The following CRMP1 variants were observed in gnomAD, a reference collection of about 807,000 sequenced individuals.
The protein encoded by CRMP1 is collapsin response mediator protein 1.
A neutral mutation model predicts 68.3 loss-of-function variants in CRMP1; 19 were observed. The ratio of observed to expected loss-of-function variants is 0.28; its 90% CI spans 0.19 to 0.41. The LOEUF (loss-of-function observed/expected upper bound fraction) is 0.41, where lower values mean the gene tolerates loss of function less well. Ranked by LOEUF, CRMP1 falls within the 10% of genes least tolerant of loss-of-function variation. The probability of loss-of-function intolerance (pLI) is 1.00; values close to 1 mark genes in which losing one functional copy is unlikely to be tolerated. For synonymous variants in CRMP1, 439 were observed against 399.6 expected, an observed-to-expected ratio of 1.10 and a Z score of -1.18; for missense variants, 791 against 967.4, an observed-to-expected ratio of 0.82 and a Z score of 2.42.
At position 5,839,810 on chromosome 4, in the gene CRMP1, G is replaced by A. The variant is rs1711567323; in HGVS notation, c.1154-132C>T. 4 of 1,089,272 alleles carry A rather than the reference G, an allele frequency of 3.7e-6. No homozygotes were observed. In the African/African-American group the frequency reaches 4.9e-5, roughly 13 times the overall value. 67.5% of individuals were successfully genotyped at this position (1,089,272 alleles called of 1,614,324 possible). ...GGCCAGAACACTGGCCACCGTTCTT[G>A]CAGGCATCACCGCCTGCACCGCAGG... On this transcript the variant is annotated intron_variant, in intron 8 of 13. Coordinates refer to ENST00000324989, the MANE Select transcript of CRMP1 (RefSeq NM_001014809.3).
At position 5,850,884 on chromosome 4, in the gene CRMP1, T is replaced by A. The variant is rs151120833; in HGVS notation, c.882+524A>T. On this transcript the variant is annotated intron_variant, in intron 5 of 13. Transcript: ENST00000324989. The surrounding 1 kb of genome is among the most constrained non-coding windows in gnomAD (Gnocchi z 4.4). ...TGCGGCTCCATATCCCTTGACTTGG[T>A]GCATGTACATAATAATTGTTTGCTG... is the stretch of plus-strand genomic sequence containing the variant. Among the ~76,000 whole-genome samples, 713 of 152,322 alleles carry A rather than the reference T, an allele frequency of 4.7e-3. 10 individuals carry two copies. The highest frequency in any genetic ancestry group is 0.037 in the South Asian group (177 of 4,822).
At chr4:5,822,682 A>G (rs980362252) in intron 13 of CRMP1, among the ~76,000 whole-genome samples, 2 of 152,252 alleles carry the variant, frequency 1.3e-5, no homozygotes, top group Admixed American at 6.5e-5. Context: ...TGGGAAGGAT[A>G]GAGTCCTTAT....
intron 1 of CRMP1, among the ~76,000 whole-genome samples, chr4:5,884,503 G>T (rs557089596): frequency 1.1e-5 from 1 of 95,218 alleles, no homozygotes; most frequent in Non-Finnish European, 2.4e-5. Context: ...CACGGGCAGT[G>T]GTTTTCCTAG....
chr4:5,888,229 G>C lies in CRMP1; in HGVS notation c.381+4360C>G. On this transcript the variant is annotated intron_variant, in intron 1 of 13. Coordinates refer to ENST00000324989, the MANE Select transcript of CRMP1 (RefSeq NM_001014809.3). The surrounding 1 kb of genome is among the most constrained non-coding windows in gnomAD (Gnocchi z 6.4). ...GCGGCGGGGGCGGGGGCCGCTTACC[G>C]TGATGTGCGGGATGCTCTTCTTGCC... The C allele has an allele frequency of 2.3e-6, 3 of 1,277,036 alleles. No homozygotes were observed. Among genetic ancestry groups the C allele is most frequent in the Non-Finnish European group, 2.0e-6 (2 of 1,006,322 alleles). 79.1% of individuals were successfully genotyped at this position (1,277,036 alleles called of 1,614,324 possible).
rs534931572 is a variant in CRMP1, at chr4:5,892,345, C to G, written c.381+244G>C. Reference sequence around the variant, plus strand: ...CTCTCCCTTTCTGTAGAAGAGGAGCCGGGACTGGACCCGGGCGATCCCTTC... The same window carrying G: ...CTCTCCCTTTCTGTAGAAGAGGAGCGGGGACTGGACCCGGGCGATCCCTTC... On this transcript the variant is annotated intron_variant, in intron 1 of 13. Coordinates refer to ENST00000324989, the MANE Select transcript of CRMP1 (RefSeq NM_001014809.3). The surrounding 1 kb of genome is among the most constrained non-coding windows in gnomAD (Gnocchi z 8.6). 2.0e-5 allele frequency among the ~76,000 whole-genome samples: 3 copies of G among 152,276 alleles called. No individual in the cohort carries two copies. In the South Asian group the frequency reaches 6.2e-4, roughly 32 times the overall value.
chr4:5,875,734 C>T (rs561366537), intron 1 of CRMP1, among the ~76,000 whole-genome samples: 11 of 86,608 alleles, frequency 1.3e-4, no homozygotes, highest in East Asian at 5.4e-4. Flanking sequence ...TGTCCGCGGT[C>T]CTGAATTGAC....
chr4:5,842,135 G>C lies in CRMP1; in HGVS notation c.1033-707C>G, dbSNP rs1448253592. On this transcript the variant is annotated intron_variant, in intron 7 of 13. Coordinates refer to ENST00000324989, the MANE Select transcript of CRMP1 (RefSeq NM_001014809.3). The surrounding 1 kb of genome is among the most constrained non-coding windows in gnomAD (Gnocchi z 4.5). ...TGCCTGTAGTCCCAGCTACTTGGGA[G>C]GCTGAGGCAGGAGAATGGTGTGAAC... 1.3e-5 allele frequency among the ~76,000 whole-genome samples: 2 copies of C among 152,338 alleles called. No homozygotes were observed. The highest frequency in any genetic ancestry group is 1.3e-4 in the Admixed American group (2 of 15,308).
At chr4:5,868,491 C>G (rs1187059516) in intron 1 of CRMP1, among the ~76,000 whole-genome samples, 2 of 151,460 alleles carry the variant, frequency 1.3e-5, no homozygotes, top group Non-Finnish European at 2.9e-5. Flanking sequence ...TTAGTAGAGA[C>G]GGGGTTTCAC....
At chr4:5,851,279 T>C in intron 5 of CRMP1, 129 bp downstream of exon 5, 2 of 831,854 alleles carry the variant, frequency 2.4e-6, no homozygotes, top group Non-Finnish European at 4.1e-6. Flanking sequence ...ACACAGCCAT[T>C]CCATGCCAGA....
chr4:5,835,666 G>A (rs1459520585), intron 11 of CRMP1, among the ~76,000 whole-genome samples: 1 of 152,152 alleles, frequency 6.6e-6, no homozygotes, highest in African/African-American at 2.4e-5. Context: ...TCCATGGGCA[G>A]GAGCAAAGAG....
Position 5,891,204 on chromosome 4 carries a change from A to ACACACACC in CRMP1, c.381+1384_381+1385insGGTGTGTG. 6.6e-6 allele frequency among the ~76,000 whole-genome samples: 1 copy of ACACACACC among 151,370 alleles called. No individual in the cohort carries two copies. Among genetic ancestry groups the ACACACACC allele is most frequent in the African/African-American group, 2.4e-5 (1 of 41,194 alleles). On this transcript the variant is annotated intron_variant, in intron 1 of 13. Transcript: ENST00000324989. The surrounding 1 kb of genome is among the most constrained non-coding windows in gnomAD (Gnocchi z 5.2). ...CACACACACACACACACACACACAC[A>ACACACACC]CACACACACCCTTGCTGTTGGACCT...
Position 5,848,070 on chromosome 4 carries a change from C to T in CRMP1, c.963+1322G>A, listed in dbSNP as rs571056286. 5.3e-5 allele frequency among the ~76,000 whole-genome samples: 8 copies of T among 152,144 alleles called. No individual in the cohort carries two copies. In the South Asian group the frequency reaches 1.2e-3, roughly 24 times the overall value. Reference sequence around the variant, plus strand: ...TGTGTTTCCCTCCTGTCATGCTCACCTCTTCCATCTCCTATCTCCTCTCTT... The same window carrying T: ...TGTGTTTCCCTCCTGTCATGCTCACTTCTTCCATCTCCTATCTCCTCTCTT... On this transcript the variant is annotated intron_variant, in intron 6 of 13. Transcript: ENST00000324989.
At chr4:5,873,826 G>A (rs754691622) in intron 1 of CRMP1, among the ~76,000 whole-genome samples, 2 of 152,188 alleles carry the variant, frequency 1.3e-5, no homozygotes, top group Non-Finnish European at 2.9e-5. Flanking sequence ...TGACCTCAAA[G>A]TGGGGAATCT....
rs972769196 is a variant in CRMP1, at chr4:5,889,058, C to A, written c.381+3531G>T. On this transcript the variant is annotated intron_variant, in intron 1 of 13. Transcript: ENST00000324989. This position sits in a 1 kb window ranked among gnomAD's most constrained non-coding sequence, Gnocchi z 4.5. ...CTCTCCCTGAATAGTCTACCCCAGA[C>A]AAAAGCCTGTCCACTCCCCTAGACC... is the stretch of plus-strand genomic sequence containing the variant. Among the ~76,000 whole-genome samples the A allele has an allele frequency of 3.9e-5, 6 of 152,032 alleles. No homozygotes were observed. The highest frequency in any genetic ancestry group is 8.8e-5 in the Non-Finnish European group (6 of 68,002).
chr4:5,843,518 G>T lies in CRMP1; in HGVS notation c.964-357C>A, dbSNP rs10024363. On this transcript the variant is annotated intron_variant, in intron 6 of 13. Transcript: ENST00000324989. This position sits in a 1 kb window ranked among gnomAD's most constrained non-coding sequence, Gnocchi z 4.1. ...TCCTCTGGGAAGAAACGTGGTGTTT[G>T]GGTACAACATGGATATCTTCAACTA... is the stretch of plus-strand genomic sequence containing the variant. 1.3e-5 allele frequency among the ~76,000 whole-genome samples: 2 copies of T among 151,872 alleles called. No individual in the cohort carries two copies. The highest frequency in any genetic ancestry group is 4.2e-4 in the South Asian group (2 of 4,788).
chr4:5,835,327 T>C (rs755137113), intron 11 of CRMP1, among the ~76,000 whole-genome samples: 4 of 152,242 alleles, frequency 2.6e-5, no homozygotes, highest in Admixed American at 2.0e-4. Flanking sequence ...GAGGCACAGT[T>C]GTCTTCTGCC....
At position 5,888,622 on chromosome 4, in the gene CRMP1, C is replaced by T; in HGVS notation, c.381+3967G>A. 1.6e-6 allele frequency: 1 copy of T among 642,390 alleles called. No individual in the cohort carries two copies. The highest frequency in any genetic ancestry group is 1.9e-6 in the Non-Finnish European group (1 of 513,832). The allele number at this position is 642,390 out of a possible 1,614,324, so 39.8% of individuals were successfully genotyped here. ...AAGCGCTTCCCTTCCGATCTCCCACCCCGCCCCCCGCCCCCCACCCGCCCA... is the reference window on the plus strand; with the variant it reads ...AAGCGCTTCCCTTCCGATCTCCCACTCCGCCCCCCGCCCCCCACCCGCCCA... On this transcript the variant is annotated intron_variant, in intron 1 of 13. Coordinates refer to ENST00000324989, the MANE Select transcript of CRMP1 (RefSeq NM_001014809.3). The surrounding 1 kb of genome is among the most constrained non-coding windows in gnomAD (Gnocchi z 6.4).
At chr4:5,873,050 T>A (rs1714567895) in intron 1 of CRMP1, among the ~76,000 whole-genome samples, 1 of 152,198 alleles carries the variant, frequency 6.6e-6, no homozygotes, top group African/African-American at 2.4e-5. Flanking sequence ...TCTCTGCCAT[T>A]TTCTGTGGCT....
chr4:5,823,837 A>G (rs1299342540), intron 13 of CRMP1, among the ~76,000 whole-genome samples: 1 of 152,228 alleles, frequency 6.6e-6, no homozygotes, highest in Admixed American at 6.5e-5. Flanking sequence ...CTTTATAGCA[A>G]TGTAAATGGA....
Sources: gnomAD v4.1 joint callset for allele counts (sites outside exome capture counted in the v4.1 genomes callset) on GRCh38, gnomAD v4.1.1 for gene constraint, Gnocchi (gnomAD v3.1) non-coding constraint, MANE v1.5 for transcripts, NCBI Gene and HGNC (gene_info 2026-07-23, HGNC 2026-07-21) for gene names.